PAM: variants seen among roughly 807,000 people sequenced by gnomAD.
PAM encodes the protein peptidyl-glycine alpha-amidating monooxygenase.
Under a neutral mutation model 122.1 loss-of-function variants are expected in PAM, and 72 were observed. The ratio of observed to expected loss-of-function variants is 0.59; its 90% confidence interval spans 0.49 to 0.72. The LOEUF is 0.72. Among genes scored for constraint, PAM ranks in the 30% least tolerant of loss-of-function variants. PAM has a pLI of 0.00. For missense variants in PAM, 1,106 were observed against 1,183.7 expected, an observed-to-expected ratio of 0.93 and a Z score of 0.96; for synonymous variants, 389 against 404.4, an observed-to-expected ratio of 0.96 and a Z score of 0.46.
intron 14 of PAM, among the ~76,000 whole-genome samples, chr5:102,973,027 T>C (rs1766394225): frequency 6.6e-6 from 1 of 152,240 alleles, no homozygotes; most frequent in Admixed American, 6.5e-5. Context: ...CTAAACCAGT[T>C]ATCATTTTCA....
At chr5:102,840,259 C>T (rs753880567) in intron 1 of PAM, among the ~76,000 whole-genome samples, 6 of 151,966 alleles carry the variant, frequency 3.9e-5, no homozygotes, top group South Asian at 2.1e-4. Context: ...TGTTTATGAT[C>T]GTATAATCTT....
intron 15 of PAM, among the ~76,000 whole-genome samples, chr5:102,983,372 C>A (rs1300872949): frequency 1.3e-5 from 2 of 148,188 alleles, no homozygotes; most frequent in African/African-American, 5.1e-5. Context: ...ATCACTTGAA[C>A]CCAGGAGGTG....
chr5:102,873,078 CA>C (rs953674260), intron 3 of PAM, among the ~76,000 whole-genome samples: 21 of 146,356 alleles, frequency 1.4e-4, no homozygotes, highest in African/African-American at 4.3e-4. Flanking sequence ...ATAAAAGTTA[CA>C]AAAAAAAAAT....
At chr5:102,927,370 A>C (rs1469653383) in intron 7 of PAM, among the ~76,000 whole-genome samples, 1 of 152,218 alleles carries the variant, frequency 6.6e-6, no homozygotes, top group African/African-American at 2.4e-5. Flanking sequence ...ATTCGGGTTC[A>C]CACTCTTGTG....
intron 1 of PAM, among the ~76,000 whole-genome samples, chr5:102,766,424 C>T (rs945030312): frequency 2.6e-5 from 4 of 152,098 alleles, no homozygotes; most frequent in Admixed American, 2.0e-4. Flanking sequence ...GTGCAGTTGA[C>T]GTTAGGATTC....
chr5:102,771,604 A>G (rs1325096049), intron 1 of PAM, among the ~76,000 whole-genome samples: 1 of 152,116 alleles, frequency 6.6e-6, no homozygotes, highest in Non-Finnish European at 1.5e-5. Context: ...TTGGTCTAGC[A>G]TTTTCAACTA....
chr5:102,987,919 C>A (rs1191087702), intron 15 of PAM, among the ~76,000 whole-genome samples: 1 of 152,170 alleles, frequency 6.6e-6, no homozygotes, highest in African/African-American at 2.4e-5. Flanking sequence ...TAAAATATTT[C>A]TAAAGCAAAT....
intron 20 of PAM, among the ~76,000 whole-genome samples, chr5:103,009,123 T>C (rs1357194341): frequency 6.6e-6 from 1 of 152,190 alleles, no homozygotes; most frequent in Non-Finnish European, 1.5e-5. Flanking sequence ...TTTTCATTGT[T>C]CTGAATAAAC....
intron 21 of PAM, among the ~76,000 whole-genome samples, chr5:103,014,965 A>T (rs1044773034): frequency 2.0e-5 from 3 of 152,182 alleles, no homozygotes; most frequent in Non-Finnish European, 4.4e-5. Context: ...GAAAAGAAAG[A>T]GAATGATCCC....
chr5:103,006,904 T>A lies in PAM; in HGVS notation c.1907T>A (p.Val636Glu). The A allele has an allele frequency of 6.2e-7, 1 of 1,613,816 alleles. No individual in the cohort carries two copies. The highest frequency in any genetic ancestry group is 8.5e-7 in the Non-Finnish European group (1 of 1,179,700). ...DQNHFCQPTD[V>E]AVDPGTGAIY... ...AATCACTTCTGTCAACCCACTGATG[T>A]GGCTGTGGATCCAGGCACTGGAGCC... Residue 636 changes from valine (V) to glutamate (E), a missense_variant, in exon 19 of 26, where the codon GTG becomes GAG. By Grantham distance (121) the Val-to-Glu change is moderately radical. Transcript: ENST00000438793.
At chr5:102,836,897 A>AGAGAGAGAGAGAGAGG (rs757331974) in intron 1 of PAM, among the ~76,000 whole-genome samples, 8 of 146,544 alleles carry the variant, frequency 5.5e-5, no homozygotes, top group African/African-American at 1.7e-4. Flanking sequence ...AGAGAGAGAG[A>AGAGAGAGAGAGAGAGG]GGTGCAAAAT....
At chr5:103,019,143 G>A (rs991452804) in intron 22 of PAM, among the ~76,000 whole-genome samples, 2 of 152,116 alleles carry the variant, frequency 1.3e-5, no homozygotes, top group South Asian at 2.1e-4. Context: ...TTACCTACGG[G>A]GGGGGACTGT....
At chr5:102,850,435 A>G (rs1255719952) in intron 1 of PAM, among the ~76,000 whole-genome samples, 1 of 152,202 alleles carries the variant, frequency 6.6e-6, no homozygotes, top group Admixed American at 6.5e-5. Context: ...CTGCTTTAAC[A>G]TTCTTTTTTC....
intron 1 of PAM, among the ~76,000 whole-genome samples, chr5:102,774,636 G>A (rs1756681502): frequency 6.6e-6 from 1 of 152,006 alleles, no homozygotes; most frequent in African/African-American, 2.4e-5. Context: ...TTTTTCAGGT[G>A]CTTATTGAAC....
chr5:103,022,512 T>A (rs565019799), intron 23 of PAM, among the ~76,000 whole-genome samples: 2 of 152,318 alleles, frequency 1.3e-5, no homozygotes, highest in East Asian at 3.9e-4. Context: ...AACGCATTGC[T>A]TTAAAGAAGA....
intron 1 of PAM, among the ~76,000 whole-genome samples, chr5:102,758,085 T>TG (rs1751113549): frequency 1.8e-4 from 8 of 43,310 alleles, no homozygotes; most frequent in Non-Finnish European, 3.7e-4. Context: ...TTTTTTTTTT[T>TG]TTTTTTTTTT....
chr5:103,028,758 T>C, intron 25 of PAM, 129 bp from the exon 26 acceptor site: 1 of 624,804 alleles, frequency 1.6e-6, no homozygotes. Flanking sequence ...TGTTTTTCTA[T>C]TTTATTTTTA....
At chr5:102,883,901 T>C (rs1792134169) in intron 3 of PAM, among the ~76,000 whole-genome samples, 1 of 151,966 alleles carries the variant, frequency 6.6e-6, no homozygotes, top group African/African-American at 2.4e-5. Flanking sequence ...ATGCCAATTA[T>C]GCTGAGGGTT....
chr5:102,983,603 G>T (rs933256793), intron 15 of PAM, among the ~76,000 whole-genome samples: 1 of 151,974 alleles, frequency 6.6e-6, no homozygotes, highest in Admixed American at 6.6e-5. Flanking sequence ...ATGGGCAAAG[G>T]CATAGAAAAC....
Sources: allele counts gnomAD v4.1 joint callset (sites outside exome capture counted in the v4.1 genomes callset), GRCh38; gene constraint gnomAD v4.1.1; transcripts MANE v1.5; gene names NCBI Gene and HGNC (gene_info 2026-07-23, HGNC 2026-07-21).